MTCL2: variants seen among roughly 807,000 people sequenced by gnomAD.
MTCL2 encodes the protein microtubule crosslinking factor 2.
chr20:36,845,195 C>A, the MTCL2 span, among the ~76,000 whole-genome samples: 1 of 152,216 alleles, frequency 6.6e-6, no homozygotes, highest in African/African-American at 2.4e-5. Context: ...TCAGAAACTC[C>A]TAGGGTGAGC....
chr20:36,815,426 A>G, the MTCL2 span: 1 of 1,612,574 alleles, frequency 6.2e-7, no homozygotes, highest in Admixed American at 1.7e-5. The surrounding 1 kb of genome is among the most constrained non-coding windows in gnomAD (Gnocchi z 5.3). Flanking sequence ...CATTGGCATC[A>G]GCCACCAGGA....
At chr20:36,833,620 A>G in the MTCL2 span, among the ~76,000 whole-genome samples, 5 of 151,162 alleles carry the variant, frequency 3.3e-5, no homozygotes, top group Non-Finnish European at 7.4e-5. Flanking sequence ...AGGTCGAGGT[A>G]GGAAGACTGC....
the MTCL2 span, chr20:36,817,266 CAAAAAAAA>C: frequency 6.2e-5 from 32 of 517,046 alleles, no homozygotes; most frequent in Middle Eastern, 1.1e-3. Context: ...GACTCCGTCT[CAAAAAAAA>C]AAAAAAAAAA....
chr20:36,809,578 CTTTTT>C, the MTCL2 span, among the ~76,000 whole-genome samples: 8 of 124,162 alleles, frequency 6.4e-5, no homozygotes, highest in African/African-American at 2.4e-4. Context: ...TTCTTTCATT[CTTTTT>C]TTTTTTTTTT....
chr20:36,796,428 C>T, the MTCL2 span, among the ~76,000 whole-genome samples: 1 of 152,286 alleles, frequency 6.6e-6, no homozygotes. Context: ...TCATGGGTTT[C>T]CTAACAGTGG....
chr20:36,790,451 A>G, the MTCL2 span, among the ~76,000 whole-genome samples: 1 of 90,496 alleles, frequency 1.1e-5, no homozygotes, highest in African/African-American at 5.4e-5. Flanking sequence ...TTTTTTTTTT[A>G]AAAGATGGAG....
chr20:36,832,145 ATGAATGAG>A, the MTCL2 span, among the ~76,000 whole-genome samples: 1 of 152,256 alleles, frequency 6.6e-6, no homozygotes, highest in Non-Finnish European at 1.5e-5. Context: ...AGGGAGGGAG[ATGAATGAG>A]TGAATGACTG....
chr20:36,840,515 G>A, the MTCL2 span, among the ~76,000 whole-genome samples: 1 of 150,780 alleles, frequency 6.6e-6, no homozygotes, highest in East Asian at 2.0e-4. Context: ...TGTTACAGAA[G>A]CAACAGGAAC....
At chr20:36,817,284 A>AAT in the MTCL2 span, 2 of 821,994 alleles carry the variant, frequency 2.4e-6, no homozygotes, top group Non-Finnish European at 3.6e-6. Context: ...AAAAAAAAAA[A>AAT]GAAAAGAAAA....
At chr20:36,804,640 C>T in the MTCL2 span, 1 of 1,516,148 alleles carries the variant, frequency 6.6e-7, no homozygotes, top group South Asian at 1.2e-5. Flanking sequence ...TCTTATTCCT[C>T]TAGGAGCATG....
the MTCL2 span, among the ~76,000 whole-genome samples, chr20:36,803,558 C>A: frequency 6.6e-6 from 1 of 151,642 alleles, no homozygotes; most frequent in Non-Finnish European, 1.5e-5. Context: ...GCAGGGGACA[C>A]CGTGGAATAT....
At chr20:36,861,087 G>T in the MTCL2 span, among the ~76,000 whole-genome samples, 1 of 152,190 alleles carries the variant, frequency 6.6e-6, no homozygotes, top group Non-Finnish European at 1.5e-5. Flanking sequence ...TCACCAGAGT[G>T]AGTAGCAGGA....
chr20:36,815,055 C>T, the MTCL2 span: 4 of 1,437,214 alleles, frequency 2.8e-6, no homozygotes, highest in Non-Finnish European at 2.8e-6. This position sits in a 1 kb window ranked among gnomAD's most constrained non-coding sequence, Gnocchi z 5.3. Flanking sequence ...GGGAGAGACC[C>T]TATCTCAAGA....
the MTCL2 span, chr20:36,863,102 C>A: frequency 1.4e-6 from 2 of 1,400,184 alleles, no homozygotes; most frequent in African/African-American, 1.5e-5. The surrounding 1 kb of genome is among the most constrained non-coding windows in gnomAD (Gnocchi z 6.2). Flanking sequence ...CCGCACCGCG[C>A]GCCCCGGGAG....
the MTCL2 span, among the ~76,000 whole-genome samples, chr20:36,826,772 AC>A: frequency 6.6e-6 from 1 of 151,810 alleles, no homozygotes; most frequent in African/African-American, 2.4e-5. Flanking sequence ...GGTTGCTTCT[AC>A]CCTCTGGCTA....
chr20:36,856,695 C>T, the MTCL2 span, among the ~76,000 whole-genome samples: 2 of 152,256 alleles, frequency 1.3e-5, no homozygotes, highest in African/African-American at 4.8e-5. Context: ...AAGTCAAGGC[C>T]CTGGCCACAC....
chr20:36,814,662 G>A, the MTCL2 span, among the ~76,000 whole-genome samples: 6 of 152,242 alleles, frequency 3.9e-5, no homozygotes, highest in African/African-American at 7.2e-5. Context: ...AAAGGCGGTC[G>A]GATCACTTGA....
At chr20:36,810,957 A>T in the MTCL2 span, among the ~76,000 whole-genome samples, 1 of 152,116 alleles carries the variant, frequency 6.6e-6, no homozygotes, top group Non-Finnish European at 1.5e-5. Flanking sequence ...CCTAGGCTTA[A>T]GCAATCTGCC....
chr20:36,805,364 G>A, the MTCL2 span, among the ~76,000 whole-genome samples: 60 of 152,196 alleles, frequency 3.9e-4, 1 homozygote, highest in East Asian at 1.4e-3. Flanking sequence ...AGCTCACCGT[G>A]TGTGACCCTG....
Sources: allele counts gnomAD v4.1 joint callset (sites outside exome capture counted in the v4.1 genomes callset), GRCh38; gene constraint gnomAD v4.1.1; non-coding constraint Gnocchi (gnomAD v3.1); transcripts MANE v1.5; gene names NCBI Gene and HGNC (gene_info 2026-07-23, HGNC 2026-07-21).